The following ANAPC15 variants were observed in gnomAD, a reference collection of about 807,000 sequenced individuals.
ANAPC15 encodes anaphase-promoting complex subunit 15.
ANAPC15 carries 13 observed loss-of-function variants against 19.8 expected under a neutral mutation model. The observed-to-expected ratio is 0.66, with a 90% CI of 0.43 to 1.04. The LOEUF (loss-of-function observed/expected upper bound fraction) is 1.04, where lower values mean the gene tolerates loss of function less well. ANAPC15 is among the 50% of genes least tolerant of loss of function. The probability of loss-of-function intolerance (pLI) is 0.00; values close to 1 mark genes in which losing one functional copy is unlikely to be tolerated. For synonymous variants in ANAPC15, 45 were observed against 50.7 expected (o/e 0.89, Z 0.47); for missense variants, 88 against 150.3 (o/e 0.59, Z 2.17).
chr11:72,111,390 T>G (rs1946904060), intron 2 of ANAPC15, 22 bp downstream of exon 2: 1 of 837,978 alleles, frequency 1.2e-6, no homozygotes. Context: ...AAGCAGCCCC[T>G]CCCCCTAGGA....
chr11:72,107,949 G>T, downstream of ANAPC15: 1 of 1,551,724 alleles, frequency 6.4e-7, no homozygotes, highest in East Asian at 2.4e-5. Context: ...GCTGGTGGAG[G>T]AGAAGGCCCC....
downstream of ANAPC15, chr11:72,109,203 C>T: frequency 2.0e-6 from 1 of 493,216 alleles, no homozygotes; most frequent in Non-Finnish European, 3.8e-6. Flanking sequence ...CACTGATTTG[C>T]TGAGTGACTC....
At chr11:72,108,208 A>G, downstream of ANAPC15, 1 of 1,193,964 alleles carries the variant, frequency 8.4e-7, no homozygotes, top group Non-Finnish European at 1.1e-6. Flanking sequence ...TCTAAGGAGA[A>G]GGAAGCACCT....
At chr11:72,108,418 T>C (rs1398862261), downstream of ANAPC15, among the ~76,000 whole-genome samples, 1 of 152,236 alleles carries the variant, frequency 6.6e-6, no homozygotes, top group Admixed American at 6.5e-5. Flanking sequence ...CTCTGAACCT[T>C]AGCTTCTTCA....
intron 2 of ANAPC15, 44 bp downstream of exon 2, chr11:72,111,368 A>T: frequency 1.8e-6 from 2 of 1,113,688 alleles, no homozygotes; most frequent in Non-Finnish European, 2.7e-6. Flanking sequence ...GATAGGGTGG[A>T]AGACAGCAGG....
intron 3 of ANAPC15, chr11:72,110,829 T>TG: frequency 1.7e-6 from 1 of 588,626 alleles, no homozygotes; most frequent in Admixed American, 3.2e-5. Flanking sequence ...ATGGTGAGGA[T>TG]GAAGTGAGAG....
downstream of ANAPC15, chr11:72,108,724 G>A: frequency 1.9e-6 from 3 of 1,550,148 alleles, no homozygotes; most frequent in Non-Finnish European, 1.7e-6. Context: ...TGAGGGACCT[G>A]CAGCTGCTGG....
At chr11:72,107,285 G>C (rs1371978405), downstream of ANAPC15, 1 of 602,138 alleles carries the variant, frequency 1.7e-6, no homozygotes, top group African/African-American at 1.9e-5. Context: ...ATAAATAAAA[G>C]TTCATCCAAT....
At chr11:72,111,970 G>A (rs1470831372) in intron 1 of ANAPC15, 1 of 152,834 alleles carries the variant, frequency 6.5e-6, no homozygotes, top group African/African-American at 2.4e-5. Context: ...AGCCGACCAG[G>A]AGTGCCAGAT....
chr11:72,107,653 G>A (rs1270720203), downstream of ANAPC15: 1 of 620,988 alleles, frequency 1.6e-6, no homozygotes, highest in Non-Finnish European at 2.9e-6. Context: ...ATGCCAGGCT[G>A]AGAATCCCAA....
chr11:72,110,783 C>T, intron 3 of ANAPC15, 180 bp from the exon 4 acceptor site: 1 of 632,982 alleles, frequency 1.6e-6, no homozygotes, highest in Non-Finnish European at 2.7e-6. Flanking sequence ...GATCCAAATA[C>T]TTAAACTCTC....
In ANAPC15 at chr11:72,109,868, C is replaced by T. The variant is rs1268168663; in HGVS notation, c.*13G>A. 4 of 1,613,252 alleles carry T rather than the reference C, an allele frequency of 2.5e-6. No individual in the cohort carries two copies. Among genetic ancestry groups the T allele is most frequent in the Non-Finnish European group, 3.4e-6 (4 of 1,179,996 alleles). Reference sequence around the variant, plus strand: ...GGCCTGGAATCTCCCTGAGGCCACCCTGCCTTGTCTACCTAGATCATCCAC... The same window carrying T: ...GGCCTGGAATCTCCCTGAGGCCACCTTGCCTTGTCTACCTAGATCATCCAC... On this transcript the variant is annotated 3_prime_UTR_variant, in exon 6 of 6. Coordinates refer to ENST00000227618, the MANE Select transcript of ANAPC15 (RefSeq NM_014042.3).
At chr11:72,112,767 C>G (rs1207957921), upstream of ANAPC15, 2 of 456,308 alleles carry the variant, frequency 4.4e-6, no homozygotes, top group Non-Finnish European at 8.8e-6. Context: ...CTTTTGTTTT[C>G]CCCGCTCCCG....
chr11:72,112,715 A>G, upstream of ANAPC15: 1 of 456,678 alleles, frequency 2.2e-6, no homozygotes, highest in Non-Finnish European at 4.4e-6. Flanking sequence ...GGAAGAACCC[A>G]CCAGAATCCG....
downstream of ANAPC15, chr11:72,108,800 C>T (rs1185544055): frequency 1.7e-5 from 26 of 1,550,404 alleles, no homozygotes; most frequent in Non-Finnish European, 1.9e-5. Context: ...CCCTGGTGCA[C>T]CCCGCTTCTT....
downstream of ANAPC15, chr11:72,106,443 G>C (rs1012740858): frequency 1.8e-5 from 8 of 437,096 alleles, no homozygotes; most frequent in Non-Finnish European, 2.0e-5. Flanking sequence ...GAGGGGTAGA[G>C]GCCACAGAGA....
chr11:72,107,280 T>C, downstream of ANAPC15: 1 of 601,142 alleles, frequency 1.7e-6, no homozygotes, highest in East Asian at 2.8e-5. Context: ...AATAAATAAA[T>C]AAAAGTTCAT....
chr11:72,110,164 T>C lies in ANAPC15; in HGVS notation c.242A>G (p.Glu81Gly), dbSNP rs765381065. 2.5e-6 allele frequency: 4 copies of C among 1,614,178 alleles called. No individual in the cohort carries two copies. Among genetic ancestry groups the C allele is most frequent in the Non-Finnish European group, 3.4e-6 (4 of 1,180,030 alleles). The change falls in exon 5 of 6, where the codon GAG becomes GGG. Residue 81 changes from glutamate (E) to glycine (G), a missense_variant. By Grantham distance (98) the Glu-to-Gly change is moderately conservative. Coordinates refer to ENST00000227618, the MANE Select transcript of ANAPC15 (RefSeq NM_014042.3). ...EDDEDSEEDS[E>G]DDEDMQDMDE... Reference sequence around the variant, plus strand: ...CATGTCCTGCATATCCTCATCATCCTCTGAGTCCTCTTCACTATCCTCATC... The same window carrying C: ...CATGTCCTGCATATCCTCATCATCCCCTGAGTCCTCTTCACTATCCTCATC...
chr11:72,111,335 A>G, intron 2 of ANAPC15, 49 bp from the exon 3 acceptor site: 1 of 1,440,610 alleles, frequency 6.9e-7, no homozygotes. Context: ...TTTGTTTTTA[A>G]TTTGGTTGTA....
Sources: gnomAD v4.1 joint callset for allele counts (sites outside exome capture counted in the v4.1 genomes callset) on GRCh38, gnomAD v4.1.1 for gene constraint, MANE v1.5 for transcripts, NCBI Gene and HGNC (gene_info 2026-07-23, HGNC 2026-07-21) for gene names.